The following VPS13C variants were observed in gnomAD, a reference collection of about 807,000 sequenced individuals.
The protein encoded by VPS13C is vacuolar protein sorting 13 homolog C, also known as intermembrane lipid transfer protein VPS13C.
Under a neutral mutation model 456.8 loss-of-function variants are expected in VPS13C, and 358 were observed. The observed-to-expected ratio is 0.78, with a 90% CI of 0.72 to 0.86. VPS13C has a LOEUF of 0.86. Among genes scored for constraint, VPS13C ranks in the 40% least tolerant of loss-of-function variants. The pLI, the probability that VPS13C is intolerant of heterozygous loss-of-function variation, is 0.00. For synonymous variants in VPS13C, 1,578 were observed against 1,486.7 expected (o/e 1.06, Z -1.41); for missense variants, 4,818 against 4,385.4 (o/e 1.10, Z -2.79).
intron 66 of VPS13C, among the ~76,000 whole-genome samples, chr15:61,901,419 AAAAC>A (rs1229042562): frequency 2.0e-5 from 3 of 152,026 alleles, no homozygotes; most frequent in African/African-American, 4.8e-5. Context: ...TACAAGAAAA[AAAAC>A]AAACAACCCC....
In VPS13C at chr15:61,964,754, A is replaced by G. The variant is rs774758854; in HGVS notation, c.3159T>C (p.Ala1053=). The G allele has an allele frequency of 6.2e-7, 1 of 1,612,294 alleles. No individual in the cohort carries two copies. Among genetic ancestry groups the G allele is most frequent in the Non-Finnish European group, 8.5e-7 (1 of 1,178,946 alleles). Residue 1053 remains alanine (A), a synonymous_variant, in exon 31 of 85, where the codon GCT becomes GCC. Transcript: ENST00000644861. ...IPSDDQSISV[A]KEVQISTEKQ... is the part of the protein sequence containing the mutation. ...TTTCAGTTGAAATTTGTACCTCCTT[A>G]GCAACACTTATGCTTTGATCATCAG...
At chr15:62,011,630 A>C (rs1463417249) in intron 12 of VPS13C, among the ~76,000 whole-genome samples, 2 of 152,012 alleles carry the variant, frequency 1.3e-5, no homozygotes, top group Non-Finnish European at 2.9e-5. Context: ...AATAACAGGA[A>C]GCTTTGTTAG....
intron 15 of VPS13C, among the ~76,000 whole-genome samples, chr15:62,001,198 A>G (rs997360018): frequency 6.6e-6 from 1 of 152,216 alleles, no homozygotes; most frequent in Non-Finnish European, 1.5e-5. Flanking sequence ...TAAGACAGAT[A>G]TTGTTACCAT....
intron 69 of VPS13C, among the ~76,000 whole-genome samples, chr15:61,882,332 G>A (rs947838776): frequency 6.6e-6 from 1 of 152,090 alleles, no homozygotes; most frequent in African/African-American, 2.4e-5. Flanking sequence ...GGGGTCCCAT[G>A]ACAAATTCAA....
intron 10 of VPS13C, among the ~76,000 whole-genome samples, chr15:62,013,697 G>A (rs1424920969): frequency 6.6e-6 from 1 of 151,924 alleles, no homozygotes; most frequent in Non-Finnish European, 1.5e-5. Context: ...ATCTAATAAA[G>A]TACCATTTGG....
intron 30 of VPS13C, among the ~76,000 whole-genome samples, chr15:61,965,270 A>G (rs2045343624): frequency 6.6e-6 from 1 of 151,950 alleles, no homozygotes; most frequent in Non-Finnish European, 1.5e-5. Flanking sequence ...AAATGACTTC[A>G]AAGGTGGCAT....
Position 61,938,274 on chromosome 15 carries a change from G to GGT in VPS13C, c.5602-1525_5602-1524insAC, listed in dbSNP as rs567232009. On this transcript the variant is annotated intron_variant, in intron 47 of 84. Coordinates refer to ENST00000644861, the MANE Select transcript of VPS13C (RefSeq NM_020821.3). ...CCTCTTTCACTTTGCTGTGGGGTGG[G>GGT]GGGGGAACAAGTATGAAGGACAATT... is the stretch of plus-strand genomic sequence containing the variant. 2.0e-3 allele frequency among the ~76,000 whole-genome samples: 307 copies of GGT among 152,066 alleles called. 7 individuals carry two copies. Among genetic ancestry groups the GGT allele is most frequent in the African/African-American group, 6.9e-3 (285 of 41,352 alleles).
At chr15:61,854,694 T>C in intron 84 of VPS13C, 136 bp from the exon 85 acceptor site, 1 of 1,036,640 alleles carries the variant, frequency 9.6e-7, no homozygotes, top group Non-Finnish European at 1.5e-6. Flanking sequence ...AGTCCAGATG[T>C]GTCATATAAA....
Position 62,030,164 on chromosome 15 carries a change from A to G in VPS13C, c.386-1744T>C, listed in dbSNP as rs1468666046. 2.6e-5 allele frequency among the ~76,000 whole-genome samples: 4 copies of G among 152,178 alleles called. No individual in the cohort carries two copies. The East Asian group carries it at 7.7e-4, about 29-fold the overall frequency. On this transcript the variant is annotated intron_variant, in intron 5 of 84. Coordinates refer to ENST00000644861, the MANE Select transcript of VPS13C (RefSeq NM_020821.3). ...CTCATATAGCAGACAAATTTCATGT[A>G]GCATGTGAAAAAGAATTAAAGATAA...
At chr15:61,874,829 CAATAT>C (rs1292608678) in intron 77 of VPS13C, 42 bp downstream of exon 77, 2 of 1,466,784 alleles carry the variant, frequency 1.4e-6, no homozygotes, top group South Asian at 2.6e-5. Context: ...TATTTCATAA[CAATAT>C]AATAAAAAAT....
rs758251367 is a variant in VPS13C at position 62,028,351 on chromosome 15, T to C, written c.448+7A>G. The stretch of plus-strand genomic sequence containing the variant: ...ATAGTTGAATATAATTAACCATGCA[T>C]ACCCACCAGGCTTGATGTCCTTGTA... On this transcript the variant is annotated splice_region_variant and intron_variant, in intron 6 of 84. Transcript: ENST00000644861. 7.7e-5 allele frequency: 124 copies of C among 1,612,706 alleles called. 1 individual carries two copies. Among genetic ancestry groups the C allele is most frequent in the Middle Eastern group, 6.6e-4 (4 of 6,050 alleles).
intron 9 of VPS13C, among the ~76,000 whole-genome samples, chr15:62,016,904 T>C (rs878913814): frequency 1.3e-5 from 2 of 152,094 alleles, no homozygotes; most frequent in African/African-American, 2.4e-5. Flanking sequence ...TAAAAGTGTT[T>C]CTATTTCTCC....
In VPS13C at chr15:62,007,356, G is replaced by A. The variant is rs748480444; in HGVS notation, c.1242C>T (p.Asn414=). Residue 414 remains asparagine, a synonymous_variant, in exon 15 of 85, where the codon AAC becomes AAT. Coordinates refer to ENST00000644861, the MANE Select transcript of VPS13C (RefSeq NM_020821.3). ...LLKSYKIAYK[N]KLTQSKVSEE... Reference sequence around the variant, plus strand: ...CTGAGACTTTAGACTGTGTTAACTTGTTTTTGTAGGCAATTTTATAACTCT... The same window carrying A: ...CTGAGACTTTAGACTGTGTTAACTTATTTTTGTAGGCAATTTTATAACTCT... The A allele has an allele frequency of 3.9e-5, 63 of 1,612,324 alleles. No homozygotes were observed. The South Asian group carries it at 4.7e-4, about 12-fold the overall frequency.
At chr15:61,910,871 T>C (rs945000857) in intron 63 of VPS13C, among the ~76,000 whole-genome samples, 11 of 152,126 alleles carry the variant, frequency 7.2e-5, no homozygotes, top group Admixed American at 5.9e-4. Context: ...GCTTCTGTTA[T>C]AGAATACTAA....
At chr15:62,032,044 CTT>C (rs1422266065) in intron 5 of VPS13C, among the ~76,000 whole-genome samples, 1 of 151,678 alleles carries the variant, frequency 6.6e-6, no homozygotes, top group Non-Finnish European at 1.5e-5. Context: ...ATATATGTAA[CTT>C]ATTATGTAAT....
intron 37 of VPS13C, among the ~76,000 whole-genome samples, chr15:61,958,183 T>C (rs1403475091): frequency 2.6e-5 from 4 of 152,102 alleles, no homozygotes; most frequent in African/African-American, 4.8e-5. Context: ...AATCTTTTCA[T>C]TATCTTTGGA....
At chr15:62,007,850 T>A (rs758456310) in intron 14 of VPS13C, among the ~76,000 whole-genome samples, 9 of 152,132 alleles carry the variant, frequency 5.9e-5, no homozygotes, top group Non-Finnish European at 1.0e-4. Context: ...CTCACGTCTG[T>A]AATCCCAGCA....
intron 60 of VPS13C, 92 bp from the exon 61 acceptor site, chr15:61,916,114 A>C (rs2140163726): frequency 7.3e-7 from 1 of 1,372,896 alleles, no homozygotes; most frequent in East Asian, 2.4e-5. Context: ...AAACTACCAG[A>C]TGCATGTAAA....
intron 47 of VPS13C, among the ~76,000 whole-genome samples, chr15:61,937,517 C>T (rs967675085): frequency 3.3e-4 from 50 of 152,284 alleles, no homozygotes; most frequent in Middle Eastern, 6.8e-3. Flanking sequence ...CTCTGTCGCC[C>T]AGGCTAGAGT....
Sources: gnomAD v4.1 joint callset for allele counts (sites outside exome capture counted in the v4.1 genomes callset) on GRCh38, gnomAD v4.1.1 for gene constraint, MANE v1.5 for transcripts, NCBI Gene and HGNC (gene_info 2026-07-23, HGNC 2026-07-21) for gene names.